ARHGEF7: variants seen among roughly 807,000 people sequenced by gnomAD.
ARHGEF7 encodes Rho guanine nucleotide exchange factor 7, also known as PAK-interacting exchange factor beta.
A neutral mutation model predicts 109.8 loss-of-function variants in ARHGEF7; 33 were observed. The observed-to-expected ratio is 0.30, with a 90% CI of 0.23 to 0.40. The LOEUF (loss-of-function observed/expected upper bound fraction) is 0.40, where lower values mean the gene tolerates loss of function less well. Ranked by LOEUF, ARHGEF7 falls within the 10% of genes least tolerant of loss-of-function variation. ARHGEF7 has a pLI of 1.00. For missense variants in ARHGEF7, 938 were observed against 1,098.5 expected (o/e 0.85, Z 2.07); for synonymous variants, 458 against 424.6 (o/e 1.08, Z -0.97).
At chr13:111,191,719 A>C (rs1197704328) in intron 2 of ARHGEF7, among the ~76,000 whole-genome samples, 6 of 152,138 alleles carry the variant, frequency 3.9e-5, no homozygotes, top group Non-Finnish European at 7.3e-5. Context: ...TGATTGTATG[A>C]GGTATCCAAG....
intron 1 of ARHGEF7, among the ~76,000 whole-genome samples, chr13:111,137,369 C>T (rs1422447327): frequency 1.3e-5 from 2 of 152,248 alleles, no homozygotes. Context: ...TGACCTGGAC[C>T]AGCCAGATGG....
intron 5 of ARHGEF7, among the ~76,000 whole-genome samples, chr13:111,231,639 A>C (rs963258732): frequency 2.0e-5 from 3 of 152,158 alleles, no homozygotes; most frequent in African/African-American, 7.2e-5. Flanking sequence ...TAGGGACCTG[A>C]AGCCTTAGAG....
In ARHGEF7 at chr13:111,228,463, A is replaced by G. The variant is rs1413136650; in HGVS notation, c.671-4742A>G. ...GCTGATGGTGCTTCCAGCAGAGAAC[A>G]CGGCGGGAGCGGATGAGGCAGGCTC... On this transcript the variant is annotated intron_variant, in intron 5 of 21. Coordinates refer to ENST00000646102, the MANE Select transcript of ARHGEF7 (RefSeq NM_001354046.2). The surrounding 1 kb of genome is among the most constrained non-coding windows in gnomAD (Gnocchi z 4.6). 6.6e-6 allele frequency among the ~76,000 whole-genome samples: 1 copy of G among 152,198 alleles called. No homozygotes were observed. Among genetic ancestry groups the G allele is most frequent in the Non-Finnish European group, 1.5e-5 (1 of 68,032 alleles).
chr13:111,201,863 A>C (rs888520435), intron 2 of ARHGEF7, among the ~76,000 whole-genome samples: 1 of 152,020 alleles, frequency 6.6e-6, no homozygotes, highest in African/African-American at 2.4e-5. Flanking sequence ...AGACCATGGG[A>C]ACTCCCCTCC....
intron 5 of ARHGEF7, among the ~76,000 whole-genome samples, chr13:111,218,932 A>G (rs747154464): frequency 5.9e-5 from 9 of 152,212 alleles, no homozygotes; most frequent in Admixed American, 5.9e-4. Context: ...GTATTTTAAT[A>G]AGGCAGATGG....
At chr13:111,248,405 T>C (rs888970759) in intron 8 of ARHGEF7, among the ~76,000 whole-genome samples, 12 of 152,180 alleles carry the variant, frequency 7.9e-5, no homozygotes, top group Admixed American at 7.9e-4. Flanking sequence ...AACTTGAAAA[T>C]TTATGTCTTT....
chr13:111,227,313 T>A (rs1157253174), intron 5 of ARHGEF7, among the ~76,000 whole-genome samples: 1 of 152,170 alleles, frequency 6.6e-6, no homozygotes, highest in Non-Finnish European at 1.5e-5. Context: ...TCCAGAGAAA[T>A]CTTTCATGAA....
chr13:111,202,574 T>C (rs2081326154), intron 2 of ARHGEF7, among the ~76,000 whole-genome samples: 2 of 152,186 alleles, frequency 1.3e-5, no homozygotes, highest in African/African-American at 4.8e-5. Context: ...ACCCAGCAAG[T>C]CATGGTGGGG....
intron 2 of ARHGEF7, chr13:111,186,685 C>T (rs2079291290): frequency 2.7e-6 from 1 of 364,080 alleles, no homozygotes; most frequent in Non-Finnish European, 3.8e-6. Context: ...CTTTGCAAAC[C>T]ACACTCCAGA....
At chr13:111,170,119 A>G (rs192211509) in intron 2 of ARHGEF7, among the ~76,000 whole-genome samples, 3 of 152,224 alleles carry the variant, frequency 2.0e-5, no homozygotes, top group South Asian at 4.1e-4. Context: ...TTTTTTGTAG[A>G]CAGAGTCTTG....
chr13:111,244,136 C>G, intron 7 of ARHGEF7, 63 bp from the exon 8 acceptor site: 1 of 1,353,956 alleles, frequency 7.4e-7, no homozygotes, highest in East Asian at 2.3e-5. Flanking sequence ...ATTGGGATGG[C>G]AAAGGAGAAG....
intron 18 of ARHGEF7, among the ~76,000 whole-genome samples, chr13:111,290,034 A>G (rs79854693): frequency 0.014 from 2,149 of 152,352 alleles, 30 homozygotes; most frequent in Non-Finnish European, 0.023. Context: ...TCTAAGTACA[A>G]ATTGTTGTGA....
At chr13:111,197,483 A>G (rs764970015) in intron 2 of ARHGEF7, among the ~76,000 whole-genome samples, 11 of 152,216 alleles carry the variant, frequency 7.2e-5, no homozygotes, top group Non-Finnish European at 1.3e-4. Flanking sequence ...AAACCTGTTA[A>G]GAGTCCTAAG....
intron 16 of ARHGEF7, 35 bp from the exon 17 acceptor site, chr13:111,286,112 A>G (rs904836266): frequency 1.3e-6 from 2 of 1,536,752 alleles, no homozygotes; most frequent in African/African-American, 2.7e-5. Flanking sequence ...GATTGGCTTT[A>G]GAGTATGTTA....
At chr13:111,298,682 C>T (rs764187602) in intron 19 of ARHGEF7, among the ~76,000 whole-genome samples, 2 of 152,228 alleles carry the variant, frequency 1.3e-5, no homozygotes, top group South Asian at 2.1e-4. Context: ...AAGTTATTCC[C>T]GAGACATAGG....
At chr13:111,117,814 G>A (rs2066903282) in intron 1 of ARHGEF7, among the ~76,000 whole-genome samples, 2 of 152,168 alleles carry the variant, frequency 1.3e-5, no homozygotes, top group Admixed American at 6.5e-5. Flanking sequence ...GTCCCATCTA[G>A]GCCTCCCAAA....
intron 6 of ARHGEF7, among the ~76,000 whole-genome samples, chr13:111,234,129 A>G (rs536629473): frequency 1.3e-5 from 2 of 152,346 alleles, no homozygotes; most frequent in African/African-American, 2.4e-5. Context: ...TTGAGTAGAT[A>G]TAACTATGAA....
intron 19 of ARHGEF7, chr13:111,293,891 C>T (rs541042021): frequency 1.0e-6 from 1 of 985,306 alleles, no homozygotes; most frequent in African/African-American, 1.7e-5. Context: ...CTCACAAGCC[C>T]AGAGCTGCCA....
rs58693252 is a variant in ARHGEF7, at chr13:111,255,831, C to T, written c.950+11537C>T. 0.021 allele frequency among the ~76,000 whole-genome samples: 3,256 copies of T among 152,154 alleles called. 119 individuals carry two copies. Among genetic ancestry groups the T allele is most frequent in the African/African-American group, 0.075 (3,103 of 41,498 alleles). On this transcript the variant is annotated intron_variant, in intron 8 of 21. Transcript: ENST00000646102. This position sits in a 1 kb window ranked among gnomAD's most constrained non-coding sequence, Gnocchi z 4.1. ...TCCTGTGGAAGGTGGGGTCATGGTG[C>T]TTTCTTTTCAGTGCTGCGTTTCTCT...
Sources: gnomAD v4.1 joint callset for allele counts (sites outside exome capture counted in the v4.1 genomes callset) on GRCh38, gnomAD v4.1.1 for gene constraint, Gnocchi (gnomAD v3.1) non-coding constraint, MANE v1.5 for transcripts, NCBI Gene and HGNC (gene_info 2026-07-23, HGNC 2026-07-21) for gene names.